The following WDR20 variants were observed in gnomAD, a reference collection of about 807,000 sequenced individuals.
WDR20 encodes WD repeat-containing protein 20.
In WDR20, 3 loss-of-function variants were observed where a neutral mutation model predicts 38.7. The observed-to-expected ratio is 0.08, with a 90% CI of 0.04 to 0.20. WDR20 has a LOEUF of 0.20. Ranked by LOEUF, WDR20 falls within the 10% of genes least tolerant of loss-of-function variation. WDR20 has a pLI of 1.00. For missense variants in WDR20, 559 were observed against 727.7 expected (o/e 0.77, Z 2.67); for synonymous variants, 298 against 285.6 (o/e 1.04, Z -0.44).
At chr14:102,149,955 A>C (rs2055164507) in intron 1 of WDR20, among the ~76,000 whole-genome samples, 4 of 152,214 alleles carry the variant, frequency 2.6e-5, no homozygotes, top group Admixed American at 2.6e-4. Flanking sequence ...GGCCTCCCAA[A>C]GTGCTGGGAT....
intron 1 of WDR20, among the ~76,000 whole-genome samples, chr14:102,140,645 A>G (rs968629880): frequency 2.0e-5 from 3 of 152,162 alleles, no homozygotes; most frequent in Non-Finnish European, 1.5e-5. Flanking sequence ...GAAGCGGAGC[A>G]TTGAGACTAG....
intron 1 of WDR20, among the ~76,000 whole-genome samples, chr14:102,175,368 G>A: frequency 6.6e-6 from 1 of 152,102 alleles, no homozygotes; most frequent in East Asian, 1.9e-4. Flanking sequence ...GTAAGTATTT[G>A]GGTTTATTTC....
At chr14:102,139,638 G>C (rs760414416), upstream of WDR20, 15 of 643,880 alleles carry the variant, frequency 2.3e-5, no homozygotes, top group Non-Finnish European at 3.4e-5. Flanking sequence ...CCCACTAGCT[G>C]AAGCCGGCAT....
intron 1 of WDR20, among the ~76,000 whole-genome samples, chr14:102,173,454 TA>T (rs1394217688): frequency 1.5e-5 from 2 of 135,292 alleles, no homozygotes; most frequent in Non-Finnish European, 3.0e-5. Flanking sequence ...TTATTATTAT[TA>T]TTATTATTAT....
chr14:102,213,052 G>T (rs1008559572), downstream of WDR20: 68 of 989,388 alleles, frequency 6.9e-5, no homozygotes, highest in Non-Finnish European at 7.9e-5. Context: ...TCCCTGGGCG[G>T]TGTCAGACAC....
chr14:102,173,472 TA>T (rs59669068), intron 1 of WDR20, among the ~76,000 whole-genome samples: 2,889 of 81,946 alleles, frequency 0.035, 102 homozygotes, highest in African/African-American at 0.11. Flanking sequence ...TTATTATTAT[TA>T]TTATTATTTT....
At chr14:102,173,408 C>G (rs542989557) in intron 1 of WDR20, among the ~76,000 whole-genome samples, 37 of 150,066 alleles carry the variant, frequency 2.5e-4, no homozygotes, top group South Asian at 6.3e-4. Context: ...GCCACCGCGC[C>G]CGGCCTGTTT....
chr14:102,175,674 G>A (rs909141352), intron 1 of WDR20, among the ~76,000 whole-genome samples: 9 of 152,102 alleles, frequency 5.9e-5, no homozygotes, highest in East Asian at 1.9e-4. Context: ...CTGATTTTAC[G>A]CATCCATGGC....
At chr14:102,161,517 T>C (rs2058750881) in intron 1 of WDR20, among the ~76,000 whole-genome samples, 2 of 151,986 alleles carry the variant, frequency 1.3e-5, no homozygotes, top group African/African-American at 4.8e-5. Flanking sequence ...TTTCGCCATA[T>C]TGCCCATGCT....
intron 2 of WDR20, among the ~76,000 whole-genome samples, chr14:102,204,736 T>C (rs2061194501): frequency 6.6e-6 from 1 of 152,252 alleles, no homozygotes; most frequent in South Asian, 2.1e-4. Context: ...TAAATGTATA[T>C]ATCTTTTGGC....
Position 102,220,898 on chromosome 14 carries a change from G to A in WDR20, c.1693-1932G>A, listed in dbSNP as rs1437501806. Reference sequence around the variant, plus strand: ...ATCCTCCTGCCACACAGCCTCCTGAGTAGCTGGGATGACAGCCGTGCGCCA... The same window carrying A: ...ATCCTCCTGCCACACAGCCTCCTGAATAGCTGGGATGACAGCCGTGCGCCA... On this transcript the variant is annotated intron_variant, in intron 3 of 3. Coordinates refer to the WDR20 transcript ENST00000335263. This position sits in a 1 kb window ranked among gnomAD's most constrained non-coding sequence, Gnocchi z 4.2. Among the ~76,000 whole-genome samples, 1 of 152,008 alleles carries A rather than the reference G, an allele frequency of 6.6e-6. No homozygotes were observed. The highest frequency in any genetic ancestry group is 2.4e-5 in the African/African-American group (1 of 41,370).
chr14:102,194,873 G>A (rs1024493007), intron 1 of WDR20, 65 bp from the exon 2 acceptor site: 4 of 1,494,070 alleles, frequency 2.7e-6, no homozygotes, highest in Admixed American at 1.9e-5. Context: ...GTATAAAGTA[G>A]CATAACTTAG....
intron 1 of WDR20, among the ~76,000 whole-genome samples, chr14:102,147,040 C>G (rs1284382703): frequency 6.6e-6 from 1 of 152,130 alleles, no homozygotes; most frequent in Non-Finnish European, 1.5e-5. Flanking sequence ...CTTAATGTAT[C>G]ATTTAAAGCA....
chr14:102,159,406 G>A (rs2058161459), intron 1 of WDR20, among the ~76,000 whole-genome samples: 1 of 152,182 alleles, frequency 6.6e-6, no homozygotes. Context: ...GAGCCTGTTG[G>A]AAGTGCAGAA....
intron 1 of WDR20, among the ~76,000 whole-genome samples, chr14:102,156,950 C>T (rs1308601519): frequency 1.3e-5 from 2 of 152,022 alleles, no homozygotes; most frequent in Middle Eastern, 3.4e-3. Flanking sequence ...AGATCCGCGC[C>T]GTTGCACTCC....
chr14:102,169,452 G>A (rs79071809), intron 1 of WDR20, among the ~76,000 whole-genome samples: 1 of 152,140 alleles, frequency 6.6e-6, no homozygotes, highest in African/African-American at 2.4e-5. Flanking sequence ...GTCTTTGTTG[G>A]TGAGATACCA....
At chr14:102,160,884 C>T (rs1354328055) in intron 1 of WDR20, among the ~76,000 whole-genome samples, 4 of 134,630 alleles carry the variant, frequency 3.0e-5, no homozygotes, top group Non-Finnish European at 6.2e-5. Flanking sequence ...GCGAGTGGAG[C>T]TTGCAGTGAG....
At chr14:102,176,775 C>G (rs556653622) in intron 1 of WDR20, among the ~76,000 whole-genome samples, 75 of 152,050 alleles carry the variant, frequency 4.9e-4, no homozygotes, top group African/African-American at 1.7e-3. Flanking sequence ...GCTCTGTCTC[C>G]CAGGCTGGAG....
intron 1 of WDR20, 87 bp from the exon 2 acceptor site, chr14:102,194,851 C>A: frequency 7.6e-7 from 1 of 1,321,470 alleles, no homozygotes; most frequent in South Asian, 1.5e-5. Context: ...TAAGATGAAA[C>A]ATCATAATGG....
Sources: allele counts gnomAD v4.1 joint callset (sites outside exome capture counted in the v4.1 genomes callset), GRCh38; gene constraint gnomAD v4.1.1; non-coding constraint Gnocchi (gnomAD v3.1); transcripts MANE v1.5; gene names NCBI Gene and HGNC (gene_info 2026-07-23, HGNC 2026-07-21).